Variants in HIVEP3 observed in about 807,000 individuals in gnomAD.
HIVEP3 encodes the protein HIVEP zinc finger 3, also known as transcription factor HIVEP3.
A neutral mutation model predicts 152.8 loss-of-function variants in HIVEP3; 49 were observed. The observed-to-expected ratio is 0.32, with a 90% CI of 0.26 to 0.41. HIVEP3 has a LOEUF of 0.41. HIVEP3 is among the 10% of genes least tolerant of loss of function. The pLI is 1.00. For synonymous variants in HIVEP3, 1,269 were observed against 1,289.0 expected (o/e 0.98, Z 0.33); for missense variants, 2,790 against 3,103.3 (o/e 0.90, Z 2.40).
chr1:41,739,803 A>C lies in HIVEP3; in HGVS notation c.-800-38808T>G, dbSNP rs184083028. ...CTCTCAGAGACCATGTGACTTGTTT[A>C]AGGCAGAGGCTCAAGTCCAGGCTGT... On this transcript the variant is annotated intron_variant, in intron 1 of 8. Transcript: ENST00000372583. 2.0e-5 allele frequency among the ~76,000 whole-genome samples: 3 copies of C among 152,334 alleles called. No homozygotes were observed. In the East Asian group the frequency reaches 5.8e-4, roughly 29 times the overall value.
intron 5 of HIVEP3, among the ~76,000 whole-genome samples, chr1:41,571,775 CA>C (rs1278510908): frequency 2.0e-5 from 3 of 152,124 alleles, no homozygotes; most frequent in African/African-American, 4.8e-5. Context: ...TGAAGGGCGA[CA>C]GGAACAGGTC....
chr1:41,884,865 A>G lies in HIVEP3; in HGVS notation c.-801+33548T>C, dbSNP rs921659465. Among the ~76,000 whole-genome samples the G allele has an allele frequency of 7.3e-5, 11 of 150,098 alleles. No individual in the cohort carries two copies. In the East Asian group the frequency reaches 2.0e-3, roughly 27 times the overall value. ...AAGGCAGGCCCAGGTGGGGGACAAG[A>G]GTCTCAGGACTCACCTTTCAAATTT... On this transcript the variant is annotated intron_variant, in intron 1 of 8. Transcript: ENST00000372583.
At chr1:41,997,187 C>T (rs1043266652) in intron 1 of HIVEP3, among the ~76,000 whole-genome samples, 4 of 152,210 alleles carry the variant, frequency 2.6e-5, no homozygotes, top group African/African-American at 9.7e-5. Context: ...GCATCATGTC[C>T]ACAGTAAAGA....
intron 1 of HIVEP3, among the ~76,000 whole-genome samples, chr1:41,876,975 C>G (rs997742178): frequency 4.6e-5 from 7 of 152,148 alleles, no homozygotes; most frequent in African/African-American, 1.2e-4. Flanking sequence ...AAGCCCTAAA[C>G]CCCTCCTGAG....
intron 1 of HIVEP3, among the ~76,000 whole-genome samples, chr1:41,902,947 CACA>C (rs1172876807): frequency 6.6e-6 from 1 of 152,136 alleles, no homozygotes; most frequent in Non-Finnish European, 1.5e-5. Flanking sequence ...GTGAATGTGA[CACA>C]ACAATTAAGA....
rs550550745 is a variant in HIVEP3, at chr1:41,709,465, G to A, written c.-800-8470C>T. ...TGGATCCAAGCAGGGCCATTCACGGGTGGGACAGAGGCAGCCTCCAGGCAG... is the reference window on the plus strand; with the variant it reads ...TGGATCCAAGCAGGGCCATTCACGGATGGGACAGAGGCAGCCTCCAGGCAG... On this transcript the variant is annotated intron_variant, in intron 1 of 8. Coordinates refer to ENST00000372583, the MANE Select transcript of HIVEP3 (RefSeq NM_024503.5). 4.6e-5 allele frequency among the ~76,000 whole-genome samples: 7 copies of A among 152,320 alleles called. No homozygotes were observed. The South Asian group carries it at 6.2e-4, about 14-fold the overall frequency.
intron 1 of HIVEP3, among the ~76,000 whole-genome samples, chr1:41,755,814 C>A (rs1647282170): frequency 6.6e-6 from 1 of 152,162 alleles, no homozygotes; most frequent in Non-Finnish European, 1.5e-5. Flanking sequence ...ATTAAAAATA[C>A]TGACAATACC....
intron 1 of HIVEP3, among the ~76,000 whole-genome samples, chr1:41,817,639 G>C (rs919680089): frequency 2.0e-5 from 3 of 152,164 alleles, no homozygotes; most frequent in African/African-American, 7.2e-5. Context: ...TTTAACTTCT[G>C]ATAATTACAG....
Position 41,582,401 on chromosome 1 carries a change from G to A in HIVEP3, c.2397C>T (p.Val799=). ...ERRTTSKEIS[V]IQHTSSFEKS... Reference sequence around the variant, plus strand: ...TCTCAAAGGAGCTGGTGTGCTGGATGACAGAAATTTCTTTGGACGTTGTTC... The same window carrying A: ...TCTCAAAGGAGCTGGTGTGCTGGATAACAGAAATTTCTTTGGACGTTGTTC... Residue 799 remains valine (V), a synonymous_variant, in exon 4 of 9, where the codon GTC becomes GTT. Coordinates refer to ENST00000372583, the MANE Select transcript of HIVEP3 (RefSeq NM_024503.5). The surrounding 1 kb of genome is among the most constrained non-coding windows in gnomAD (Gnocchi z 4.7). The A allele has an allele frequency of 2.5e-6, 4 of 1,614,218 alleles. No individual in the cohort carries two copies. The highest frequency in any genetic ancestry group is 3.4e-6 in the Non-Finnish European group (4 of 1,180,036).
intron 1 of HIVEP3, among the ~76,000 whole-genome samples, chr1:41,877,007 A>G (rs1644180703): frequency 6.6e-6 from 1 of 152,226 alleles, no homozygotes; most frequent in South Asian, 2.1e-4. Context: ...TTACTGAAGA[A>G]GTGGGAAGGC....
intron 1 of HIVEP3, among the ~76,000 whole-genome samples, chr1:41,719,710 C>T (rs1646648803): frequency 6.6e-6 from 1 of 152,286 alleles, no homozygotes; most frequent in South Asian, 2.1e-4. Context: ...AAAGATGACA[C>T]GGTGACCAGG....
chr1:41,632,666 G>T (rs1430680938), intron 2 of HIVEP3, among the ~76,000 whole-genome samples: 1 of 152,066 alleles, frequency 6.6e-6, no homozygotes, highest in Non-Finnish European at 1.5e-5. Flanking sequence ...TAAGGCAGGA[G>T]AATTGCTTGA....
chr1:41,801,111 G>A (rs2124312423), intron 1 of HIVEP3, among the ~76,000 whole-genome samples: 1 of 152,288 alleles, frequency 6.6e-6, no homozygotes, highest in East Asian at 1.9e-4. Context: ...TGTAACCGTG[G>A]GCTTATTAGG....
At chr1:41,797,993 C>T (rs114683263) in intron 1 of HIVEP3, among the ~76,000 whole-genome samples, 1,906 of 151,844 alleles carry the variant, frequency 0.013, 40 homozygotes, top group African/African-American at 0.044. Flanking sequence ...AAAACAAAAA[C>T]GAAAACAAAA....
chr1:41,788,374 G>T (rs574181231), intron 1 of HIVEP3, among the ~76,000 whole-genome samples: 1 of 152,216 alleles, frequency 6.6e-6, no homozygotes, highest in South Asian at 2.1e-4. Context: ...GCATCCAGAT[G>T]AGCATAGGCT....
At chr1:41,824,043 A>G (rs1642686481) in intron 1 of HIVEP3, among the ~76,000 whole-genome samples, 1 of 152,338 alleles carries the variant, frequency 6.6e-6, no homozygotes, top group South Asian at 2.1e-4. Context: ...ACCATTGTGT[A>G]GGACTTTTCA....
intron 1 of HIVEP3, among the ~76,000 whole-genome samples, chr1:41,725,402 T>C (rs976303711): frequency 2.0e-5 from 3 of 152,154 alleles, no homozygotes; most frequent in Non-Finnish European, 2.9e-5. Context: ...TTTTCCTGAA[T>C]TATGTTAGAG....
At chr1:41,962,557 GTTA>G (rs772084471) in intron 1 of HIVEP3, among the ~76,000 whole-genome samples, 2 of 152,232 alleles carry the variant, frequency 1.3e-5, no homozygotes, top group Non-Finnish European at 2.9e-5. Flanking sequence ...GTGTATGAAA[GTTA>G]TTATGCTCTT....
chr1:41,699,403 G>T (rs1344456509), intron 2 of HIVEP3, among the ~76,000 whole-genome samples: 1 of 152,210 alleles, frequency 6.6e-6, no homozygotes, highest in Non-Finnish European at 1.5e-5. Flanking sequence ...ACCAACGGAG[G>T]AAACTGTAAA....
Sources: allele counts gnomAD v4.1 joint callset (sites outside exome capture counted in the v4.1 genomes callset), GRCh38; gene constraint gnomAD v4.1.1; non-coding constraint Gnocchi (gnomAD v3.1); transcripts MANE v1.5; gene names NCBI Gene and HGNC (gene_info 2026-07-23, HGNC 2026-07-21).